NCALD: variants seen among roughly 807,000 people sequenced by gnomAD.
NCALD encodes neurocalcin-delta.
A neutral mutation model predicts 18.6 loss-of-function variants in NCALD; 10 were observed. The observed-to-expected ratio is 0.54, with a 90% CI of 0.33 to 0.91. The LOEUF (loss-of-function observed/expected upper bound fraction) is 0.91, where lower values mean the gene tolerates loss of function less well. Among genes scored for constraint, NCALD ranks in the 40% least tolerant of loss-of-function variants. The pLI is 0.03. For synonymous variants in NCALD, 88 were observed against 87.4 expected (o/e 1.01, Z -0.04); for missense variants, 184 against 247.6 (o/e 0.74, Z 1.72).
At chr8:101,922,159 A>G (rs988122955) in intron 2 of NCALD, among the ~76,000 whole-genome samples, 7 of 152,144 alleles carry the variant, frequency 4.6e-5, no homozygotes, top group African/African-American at 1.2e-4. Flanking sequence ...TTACTGAAAA[A>G]AAAAAATGGT....
rs1041994227 is a variant in NCALD at position 101,790,862 on chromosome 8, C to T, written c.-20G>A. 6.6e-6 allele frequency: 1 copy of T among 152,188 alleles called. No homozygotes were observed. Among genetic ancestry groups the T allele is most frequent in the Admixed American group, 6.5e-5 (1 of 15,274 alleles). 9.4% of individuals were successfully genotyped at this position (152,188 alleles called of 1,614,324 possible). ...ATTGTATATAAAGCAAACTAATTAC[C>T]TCACTCAGAAGAAGTGCAAGATTTA... On this transcript the variant is annotated splice_region_variant and 5_prime_UTR_variant, in exon 1 of 4. Transcript: ENST00000220931.
At chr8:102,080,793 A>G (rs928386003) in intron 1 of NCALD, among the ~76,000 whole-genome samples, 11 of 152,212 alleles carry the variant, frequency 7.2e-5, no homozygotes, top group African/African-American at 2.7e-4. Context: ...TGGTTCTTGA[A>G]TTATACAAGA....
chr8:102,040,379 C>T (rs964207711), intron 1 of NCALD, among the ~76,000 whole-genome samples: 3 of 151,204 alleles, frequency 2.0e-5, no homozygotes, highest in African/African-American at 7.3e-5. Context: ...GAGGCTGAGG[C>T]AGAAGAATCA....
chr8:101,777,284 A>G lies in NCALD; in HGVS notation c.-20+13578T>C, dbSNP rs545084925. On this transcript the variant is annotated intron_variant, in intron 1 of 3. Transcript: ENST00000220931. ...CGTGGGGTGCACTGAGGACACAGAT[A>G]TGAAATGAGACACCATGTTTACATT... is the stretch of plus-strand genomic sequence containing the variant. Among the ~76,000 whole-genome samples, 11 of 152,346 alleles carry G rather than the reference A, an allele frequency of 7.2e-5. 1 individual carries two copies. Among genetic ancestry groups the G allele is most frequent in the East Asian group, 1.9e-4 (1 of 5,186 alleles).
At position 101,870,909 on chromosome 8, in the gene NCALD, C is replaced by CCCA. The variant is rs1554649158; in HGVS notation, c.-20+16231_-20+16232insTGG. On this transcript the variant is annotated intron_variant, in intron 4 of 6. Coordinates refer to the NCALD transcript ENST00000311028. ...TACCACCGCCCCCACCCCCCCCCCC[C>CCCA]AAAAAAAGAGAGAACGTTCATGAGT... 8.9e-3 allele frequency among the ~76,000 whole-genome samples: 726 copies of CCCA among 81,490 alleles called. 22 individuals are homozygous for CCCA. The highest frequency in any genetic ancestry group is 0.032 in the South Asian group (55 of 1,742). 53.5% of individuals were successfully genotyped at this position (81,490 alleles called of 152,430 possible).
chr8:101,943,577 G>A (rs954581562), intron 2 of NCALD, among the ~76,000 whole-genome samples: 5 of 152,200 alleles, frequency 3.3e-5, no homozygotes, highest in African/African-American at 1.2e-4. Context: ...GAGCAGGGGA[G>A]AGAGCTGAAG....
chr8:101,696,468 T>C (rs77911087), intron 2 of NCALD, among the ~76,000 whole-genome samples: 7 of 152,266 alleles, frequency 4.6e-5, no homozygotes, highest in African/African-American at 7.2e-5. Context: ...GAAGAAAGCA[T>C]AGGGCTTAAA....
At chr8:101,892,202 AC>A (rs1192657487) in intron 3 of NCALD, among the ~76,000 whole-genome samples, 1 of 149,120 alleles carries the variant, frequency 6.7e-6, no homozygotes, top group African/African-American at 2.6e-5. Context: ...TGGGTCCCTG[AC>A]CCCTGACCCC....
intron 1 of NCALD, among the ~76,000 whole-genome samples, chr8:102,040,547 C>CT (rs1823015574): frequency 1.3e-5 from 2 of 152,004 alleles, no homozygotes; most frequent in Admixed American, 1.3e-4. Flanking sequence ...GTGTATCAAC[C>CT]TAGAGAAAGG....
At chr8:102,104,809 C>A (rs1386074013) in intron 1 of NCALD, among the ~76,000 whole-genome samples, 1 of 152,208 alleles carries the variant, frequency 6.6e-6, no homozygotes, top group African/African-American at 2.4e-5. Context: ...GGAGATTTAA[C>A]CCCTTCCCAG....
upstream of NCALD, among the ~76,000 whole-genome samples, chr8:101,791,426 T>C (rs1247859971): frequency 6.6e-6 from 1 of 152,136 alleles, no homozygotes; most frequent in Non-Finnish European, 1.5e-5. Flanking sequence ...CAAGCAAATA[T>C]ATAAAAACAG....
intron 2 of NCALD, among the ~76,000 whole-genome samples, chr8:101,998,048 CA>C (rs1416092382): frequency 6.6e-6 from 1 of 152,140 alleles, no homozygotes; most frequent in Non-Finnish European, 1.5e-5. Flanking sequence ...CCAGCTGGGG[CA>C]ACCAATAACA....
intron 4 of NCALD, among the ~76,000 whole-genome samples, chr8:101,837,206 C>T (rs913757333): frequency 6.6e-6 from 1 of 152,284 alleles, no homozygotes; most frequent in Middle Eastern, 3.4e-3. Flanking sequence ...TACTTCCATT[C>T]ACAGCTGGCA....
intron 1 of NCALD, among the ~76,000 whole-genome samples, chr8:101,758,936 T>C (rs1811000241): frequency 6.6e-6 from 1 of 152,158 alleles, no homozygotes; most frequent in Non-Finnish European, 1.5e-5. Context: ...TAGAGCTCTT[T>C]TACTACAAAG....
At chr8:102,056,904 T>C (rs1226775196) in intron 1 of NCALD, among the ~76,000 whole-genome samples, 2 of 152,232 alleles carry the variant, frequency 1.3e-5, no homozygotes, top group African/African-American at 4.8e-5. Flanking sequence ...CCACAGGCTA[T>C]GCAGCCATTA....
At position 101,827,495 on chromosome 8, in the gene NCALD, T is replaced by C. The variant is rs111434841; in HGVS notation, c.-20+59646A>G. On this transcript the variant is annotated intron_variant, in intron 4 of 6. Coordinates refer to the NCALD transcript ENST00000311028. ...ACGTGAGATCATGCCTTTTGCTTTGTTTCTGCAATTATGTGAATTTGAGAC... is the reference window on the plus strand; with the variant it reads ...ACGTGAGATCATGCCTTTTGCTTTGCTTCTGCAATTATGTGAATTTGAGAC... Among the ~76,000 whole-genome samples, 868 of 152,340 alleles carry C rather than the reference T, an allele frequency of 5.7e-3. 11 individuals are homozygous for C. Among genetic ancestry groups the C allele is most frequent in the African/African-American group, 0.018 (763 of 41,578 alleles).
At chr8:101,929,261 G>A (rs1818452162) in intron 2 of NCALD, among the ~76,000 whole-genome samples, 2 of 75,430 alleles carry the variant, frequency 2.7e-5, no homozygotes, top group Non-Finnish European at 5.2e-5. Context: ...GGAAGGGATG[G>A]AGGAAGGGAT....
chr8:101,753,488 C>T (rs1261181230), intron 1 of NCALD, among the ~76,000 whole-genome samples: 1 of 152,166 alleles, frequency 6.6e-6, no homozygotes, highest in African/African-American at 2.4e-5. Context: ...ACACCCTCTA[C>T]AATGTCATGT....
chr8:102,072,331 G>GA, intron 1 of NCALD, among the ~76,000 whole-genome samples: 1 of 152,144 alleles, frequency 6.6e-6, no homozygotes, highest in Non-Finnish European at 1.5e-5. Flanking sequence ...CTCAGCAAGA[G>GA]AATCACATTT....
Sources: gnomAD v4.1 joint callset for allele counts (sites outside exome capture counted in the v4.1 genomes callset) on GRCh38, gnomAD v4.1.1 for gene constraint, MANE v1.5 for transcripts, NCBI Gene and HGNC (gene_info 2026-07-23, HGNC 2026-07-21) for gene names.